The following ACP3 variants were observed in gnomAD, a reference collection of about 807,000 sequenced individuals.
ACP3 encodes the protein prostatic acid phosphatase.
Under a neutral mutation model 45.6 loss-of-function variants are expected in ACP3, and 38 were observed. The observed-to-expected ratio is 0.83, with a 90% CI of 0.64 to 1.09. The LOEUF (loss-of-function observed/expected upper bound fraction) is 1.09, where lower values mean the gene tolerates loss of function less well. Among genes scored for constraint, ACP3 ranks in the 50% least tolerant of loss-of-function variants. The pLI, the probability that ACP3 is intolerant of heterozygous loss-of-function variation, is 0.00. For missense variants in ACP3, 466 were observed against 463.2 expected, an observed-to-expected ratio of 1.01 and a Z score of -0.05; for synonymous variants, 162 against 164.7, an observed-to-expected ratio of 0.98 and a Z score of 0.13.
chr3:132,339,466 C>G (rs1937527090), intron 5 of ACP3, among the ~76,000 whole-genome samples: 1 of 152,114 alleles, frequency 6.6e-6, no homozygotes, highest in Admixed American at 6.5e-5. Flanking sequence ...AACTGGCCAC[C>G]CCCAACCCGC....
At chr3:132,334,370 C>T (rs1937455217) in intron 4 of ACP3, among the ~76,000 whole-genome samples, 1 of 152,196 alleles carries the variant, frequency 6.6e-6, no homozygotes, top group Admixed American at 6.5e-5. Context: ...CTAGCTTATT[C>T]CTAGCATTTA....
At chr3:132,365,165 T>G (rs1938109980) in intron 10 of ACP3, among the ~76,000 whole-genome samples, 1 of 152,232 alleles carries the variant, frequency 6.6e-6, no homozygotes, top group African/African-American at 2.4e-5. Context: ...TCTCAGTGCT[T>G]GAGATACATT....
At chr3:132,338,408 T>C (rs1046738184) in intron 5 of ACP3, among the ~76,000 whole-genome samples, 3 of 152,174 alleles carry the variant, frequency 2.0e-5, no homozygotes, top group African/African-American at 7.2e-5. Context: ...TGCCATAATT[T>C]ATTTAACCAG....
At chr3:132,340,112 G>C (rs1192686804) in intron 5 of ACP3, among the ~76,000 whole-genome samples, 4 of 152,084 alleles carry the variant, frequency 2.6e-5, no homozygotes, top group Non-Finnish European at 5.9e-5. Context: ...TCAGGAGTTT[G>C]AGACCAGCCT....
At chr3:132,344,638 A>C (rs1937587957) in intron 6 of ACP3, among the ~76,000 whole-genome samples, 1 of 152,162 alleles carries the variant, frequency 6.6e-6, no homozygotes, top group South Asian at 2.1e-4. Context: ...TAAAGGAATG[A>C]GGTATTATTT....
intron 1 of ACP3, among the ~76,000 whole-genome samples, chr3:132,324,403 T>C (rs1284555025): frequency 2.0e-5 from 3 of 152,054 alleles, no homozygotes; most frequent in Admixed American, 2.0e-4. Context: ...CAGTTACCTA[T>C]GATTTAAAAG....
At chr3:132,342,305 C>T (rs762309648) in intron 5 of ACP3, among the ~76,000 whole-genome samples, 1 of 152,102 alleles carries the variant, frequency 6.6e-6, no homozygotes, top group African/African-American at 2.4e-5. Flanking sequence ...TGAAGAACAG[C>T]GGTTCTCAAC....
intron 10 of ACP3, among the ~76,000 whole-genome samples, chr3:132,364,258 G>A (rs556631937): frequency 4.6e-5 from 7 of 152,256 alleles, no homozygotes; most frequent in Middle Eastern, 3.4e-3. Flanking sequence ...TGAGGTGGGA[G>A]GATCACCCGG....
chr3:132,358,444 G>A lies in ACP3; in HGVS notation c.*1566G>A, dbSNP rs569431522. The A allele has an allele frequency of 2.4e-6, 3 of 1,274,544 alleles. No individual in the cohort carries two copies. Among genetic ancestry groups the A allele is most frequent in the Non-Finnish European group, 3.1e-6 (3 of 980,390 alleles). The allele number at this position is 1,274,544 out of a possible 1,614,324, so 79.0% of individuals were successfully genotyped here. ...CCTGCTGAAACTGCCCACTCTGCAA[G>A]AAGAAATCATGATATAGCTTTGCCA... On this transcript the variant is annotated 3_prime_UTR_variant, in exon 10 of 10. Coordinates refer to ENST00000336375, the MANE Select transcript of ACP3 (RefSeq NM_001099.5).
intron 5 of ACP3, among the ~76,000 whole-genome samples, chr3:132,338,782 G>A (rs536116278): frequency 6.0e-4 from 90 of 150,276 alleles, no homozygotes; most frequent in Non-Finnish European, 1.1e-3. Context: ...GTACAACATC[G>A]TGCTATAGTA....
At chr3:132,319,066 A>G (rs1009424412) in intron 1 of ACP3, among the ~76,000 whole-genome samples, 13 of 152,220 alleles carry the variant, frequency 8.5e-5, no homozygotes, top group African/African-American at 2.7e-4. Context: ...CTCTCTTAGA[A>G]CTAAAAAAAT....
chr3:132,320,151 T>C (rs1937179836), intron 1 of ACP3, among the ~76,000 whole-genome samples: 1 of 152,236 alleles, frequency 6.6e-6, no homozygotes, highest in Admixed American at 6.5e-5. Flanking sequence ...AACATGCTAA[T>C]ACGCACTGTG....
intron 8 of ACP3, among the ~76,000 whole-genome samples, chr3:132,352,361 C>CTT (rs35270483): frequency 0.31 from 41,900 of 135,352 alleles, 6,896 homozygotes; most frequent in Middle Eastern, 0.44. Flanking sequence ...CCACACCCAG[C>CTT]TTTTTTTTTT....
chr3:132,355,895 T>C (rs1474683053), intron 9 of ACP3, among the ~76,000 whole-genome samples: 1 of 148,534 alleles, frequency 6.7e-6, no homozygotes, highest in Non-Finnish European at 1.5e-5. Context: ...TTGTTTATAA[T>C]GACAACCAAA....
chr3:132,337,262 T>C, intron 4 of ACP3, 194 bp from the exon 5 acceptor site: 1 of 429,728 alleles, frequency 2.3e-6, no homozygotes, highest in Non-Finnish European at 4.2e-6. Flanking sequence ...TCTGAATACA[T>C]ATCCTACTAT....
chr3:132,338,824 T>A (rs746681758), intron 5 of ACP3, among the ~76,000 whole-genome samples: 2 of 152,230 alleles, frequency 1.3e-5, no homozygotes, highest in African/African-American at 2.4e-5. Context: ...AGTTTGGGTA[T>A]CTTCATCTAG....
intron 1 of ACP3, among the ~76,000 whole-genome samples, chr3:132,322,036 ATT>A (rs1937216300): frequency 6.6e-6 from 1 of 152,324 alleles, no homozygotes; most frequent in East Asian, 1.9e-4. Flanking sequence ...ACGAAAGGAA[ATT>A]GAGGAAAGGA....
chr3:132,361,951 G>A (rs1938048133), downstream of ACP3, among the ~76,000 whole-genome samples: 1 of 151,998 alleles, frequency 6.6e-6, no homozygotes, highest in Admixed American at 6.6e-5. Flanking sequence ...CTTATACTAC[G>A]AAAATGCCCA....
Position 132,337,175 on chromosome 3 carries a change from G to A in ACP3, c.457-281G>A, listed in dbSNP as rs529190531. On this transcript the variant is annotated intron_variant, in intron 4 of 9. Transcript: ENST00000336375. ...ATAACAGTTATTCACGTGGAAGATC[G>A]AGAAGTGTAAATATTTACCACCAAC... 7.7e-4 allele frequency among the ~76,000 whole-genome samples: 117 copies of A among 152,024 alleles called. 1 individual carries two copies. The highest frequency in any genetic ancestry group is 2.6e-3 in the African/African-American group (108 of 41,446).
Sources: gnomAD v4.1 joint callset for allele counts (sites outside exome capture counted in the v4.1 genomes callset) on GRCh38, gnomAD v4.1.1 for gene constraint, MANE v1.5 for transcripts, NCBI Gene and HGNC (gene_info 2026-07-23, HGNC 2026-07-21) for gene names.